Variants in TRPS1 observed in about 807,000 individuals in gnomAD.
The protein encoded by TRPS1 is transcriptional repressor GATA binding 1.
Under a neutral mutation model 101.2 loss-of-function variants are expected in TRPS1, and 6 were observed. The ratio of observed to expected loss-of-function variants is 0.06; its 90% confidence interval spans 0.03 to 0.12. The LOEUF is 0.12. Ranked by LOEUF, TRPS1 falls within the 10% of genes least tolerant of loss-of-function variation. TRPS1 has a pLI of 1.00. For synonymous variants in TRPS1, 578 were observed against 589.8 expected, an observed-to-expected ratio of 0.98 and a Z score of 0.29; for missense variants, 1,363 against 1,567.0, an observed-to-expected ratio of 0.87 and a Z score of 2.20.
At chr8:115,518,680 T>C (rs2130217165) in intron 5 of TRPS1, among the ~76,000 whole-genome samples, 1 of 151,884 alleles carries the variant, frequency 6.6e-6, no homozygotes, top group East Asian at 1.9e-4. Flanking sequence ...ATGGAGAAAA[T>C]TATTAGGGAC....
intron 5 of TRPS1, among the ~76,000 whole-genome samples, chr8:115,521,746 C>A (rs1368252045): frequency 1.3e-5 from 2 of 151,806 alleles, no homozygotes; most frequent in Non-Finnish European, 1.5e-5. Flanking sequence ...GAAGATACAA[C>A]CTCAGAGCAT....
At chr8:115,554,166 A>G (rs1816765202) in intron 5 of TRPS1, among the ~76,000 whole-genome samples, 1 of 152,224 alleles carries the variant, frequency 6.6e-6, no homozygotes, top group African/African-American at 2.4e-5. Flanking sequence ...AGCATTCTTA[A>G]TATTAATAGA....
At chr8:115,541,303 A>T (rs1257767531) in intron 5 of TRPS1, among the ~76,000 whole-genome samples, 1 of 152,170 alleles carries the variant, frequency 6.6e-6, no homozygotes, top group Non-Finnish European at 1.5e-5. Context: ...TTTGATATCC[A>T]TCTTTCTTTT....
intron 5 of TRPS1, among the ~76,000 whole-genome samples, chr8:115,551,938 G>A (rs994024430): frequency 1.2e-4 from 19 of 152,122 alleles, no homozygotes; most frequent in Middle Eastern, 6.3e-3. Flanking sequence ...GCCTTTTGCA[G>A]GTGTGCCTCA....
intron 5 of TRPS1, among the ~76,000 whole-genome samples, chr8:115,520,987 G>C (rs533043670): frequency 6.6e-6 from 1 of 151,660 alleles, no homozygotes; most frequent in Non-Finnish European, 1.5e-5. Context: ...GAGGTTCCAC[G>C]CTTATGCCTC....
At chr8:115,457,037 T>C (rs1031314305) in intron 5 of TRPS1, among the ~76,000 whole-genome samples, 1 of 152,142 alleles carries the variant, frequency 6.6e-6, no homozygotes, top group Non-Finnish European at 1.5e-5. Context: ...ATTTTTTGTT[T>C]ATAGTCAAGT....
intron 5 of TRPS1, among the ~76,000 whole-genome samples, chr8:115,539,258 A>T (rs1816395126): frequency 6.6e-6 from 1 of 152,220 alleles, no homozygotes; most frequent in African/African-American, 2.4e-5. Flanking sequence ...TATAGGTAGC[A>T]ACAAGGGTTT....
rs1417247591 is a variant in TRPS1 at position 115,409,166 on chromosome 8, TTAA to T, written c.*4854_*4856del. On this transcript the variant is annotated 3_prime_UTR_variant, in exon 7 of 7. Transcript: ENST00000395715. ...AAGTACTACATTACCATTATTATTA[TTAA>T]TAATATTATTAATACATATATTTTT... 24 of 147,272 alleles carry T rather than the reference TTAA, an allele frequency of 1.6e-4. No homozygotes were observed. The highest frequency in any genetic ancestry group is 2.8e-4 in the Non-Finnish European group (19 of 67,412). The allele number at this position is 147,272 out of a possible 1,614,324, so 9.1% of individuals were successfully genotyped here.
At chr8:115,464,990 C>T (rs1027461840) in intron 5 of TRPS1, among the ~76,000 whole-genome samples, 2 of 151,988 alleles carry the variant, frequency 1.3e-5, no homozygotes, top group South Asian at 2.1e-4. Context: ...AATGCAAATG[C>T]TTCAGATTAT....
At chr8:115,428,730 G>C (rs1213132826) in intron 5 of TRPS1, among the ~76,000 whole-genome samples, 1 of 151,976 alleles carries the variant, frequency 6.6e-6, no homozygotes, top group Non-Finnish European at 1.5e-5. Context: ...CGGGGAATGG[G>C]GCAGTGGGAG....
chr8:115,539,950 T>C (rs1442225086), intron 5 of TRPS1, among the ~76,000 whole-genome samples: 1 of 152,228 alleles, frequency 6.6e-6, no homozygotes, highest in African/African-American at 2.4e-5. Flanking sequence ...AAGAATCATG[T>C]TTCTCTCATT....
chr8:115,649,303 C>T (rs988547287), intron 1 of TRPS1, among the ~76,000 whole-genome samples: 1 of 152,142 alleles, frequency 6.6e-6, no homozygotes, highest in South Asian at 2.1e-4. Context: ...ATAATACTAC[C>T]TTGGAAGATA....
intron 1 of TRPS1, among the ~76,000 whole-genome samples, chr8:115,666,414 G>GA (rs551357070): frequency 7.7e-4 from 108 of 140,156 alleles, no homozygotes; most frequent in South Asian, 3.0e-3. Flanking sequence ...CTTGGGGAAA[G>GA]AAAAAAAAAA....
intron 5 of TRPS1, among the ~76,000 whole-genome samples, chr8:115,475,372 G>C (rs1814579081): frequency 6.8e-6 from 1 of 146,870 alleles, no homozygotes; most frequent in African/African-American, 2.5e-5. Flanking sequence ...GTAAAACCTG[G>C]ATCACTTGCT....
chr8:115,523,781 A>G (rs748046807), intron 5 of TRPS1, among the ~76,000 whole-genome samples: 14 of 152,170 alleles, frequency 9.2e-5, no homozygotes, highest in Non-Finnish European at 2.1e-4. Context: ...TTGGCTGTCA[A>G]AAGGAAGCTT....
chr8:115,458,780 G>C (rs932612666), intron 5 of TRPS1, among the ~76,000 whole-genome samples: 1 of 152,178 alleles, frequency 6.6e-6, no homozygotes, highest in African/African-American at 2.4e-5. Flanking sequence ...CGTGTTCATA[G>C]AGAAGGCTCA....
chr8:115,543,648 G>A (rs76447203), intron 5 of TRPS1, among the ~76,000 whole-genome samples: 31 of 152,032 alleles, frequency 2.0e-4, no homozygotes, highest in Non-Finnish European at 4.1e-4. Context: ...TAACTTTAGC[G>A]ATTTGTTTAA....
intron 3 of TRPS1, among the ~76,000 whole-genome samples, chr8:115,613,968 A>T (rs1818224488): frequency 6.6e-6 from 1 of 152,222 alleles, no homozygotes; most frequent in African/African-American, 2.4e-5. Context: ...ATTTGCCTCA[A>T]ATGTGGATCG....
intron 5 of TRPS1, among the ~76,000 whole-genome samples, chr8:115,533,663 G>A (rs137877168): frequency 1.6e-3 from 239 of 152,000 alleles, no homozygotes; most frequent in Non-Finnish European, 2.8e-3. Flanking sequence ...TGGTGTCTTA[G>A]TCTGCTTGGG....
Sources: gnomAD v4.1 joint callset for allele counts (sites outside exome capture counted in the v4.1 genomes callset) on GRCh38, gnomAD v4.1.1 for gene constraint, MANE v1.5 for transcripts, NCBI Gene and HGNC (gene_info 2026-07-23, HGNC 2026-07-21) for gene names.